The following DOCK7 variants were observed in gnomAD, a reference collection of about 807,000 sequenced individuals.
The protein encoded by DOCK7 is dedicator of cytokinesis protein 7.
A neutral mutation model predicts 271.0 loss-of-function variants in DOCK7; 138 were observed. That is an observed-to-expected ratio of 0.51 (90% CI 0.44 to 0.59). The LOEUF (loss-of-function observed/expected upper bound fraction) is 0.59. Among genes scored for constraint, DOCK7 ranks in the 20% least tolerant of loss-of-function variants. The pLI is 0.00. For missense variants in DOCK7, 2,066 were observed against 2,592.4 expected (o/e 0.80, Z 4.41); for synonymous variants, 823 against 876.1 (o/e 0.94, Z 1.07).
intron 14 of DOCK7, among the ~76,000 whole-genome samples, chr1:62,593,691 A>C (rs1298410974): frequency 6.6e-6 from 1 of 152,058 alleles, no homozygotes; most frequent in Non-Finnish European, 1.5e-5. Context: ...GATAGATAAA[A>C]TTATTCCTTC....
chr1:62,458,449 C>G (rs1191240402), intron 48 of DOCK7: 1 of 151,734 alleles, frequency 6.6e-6, no homozygotes, highest in African/African-American at 2.4e-5. Context: ...GAAGCTCTTT[C>G]AGGGATGTAA....
At chr1:62,507,347 T>G (rs184773830) in intron 35 of DOCK7, among the ~76,000 whole-genome samples, 3 of 152,360 alleles carry the variant, frequency 2.0e-5, no homozygotes, top group Admixed American at 2.0e-4. Context: ...TGCGTCATTA[T>G]GGGCAGTTAT....
intron 14 of DOCK7, chr1:62,597,510 G>C: frequency 6.3e-7 from 1 of 1,595,170 alleles, no homozygotes; most frequent in Non-Finnish European, 8.6e-7. Flanking sequence ...AGAAGTCTAG[G>C]TCTGCTTCCA....
At chr1:62,480,121 A>G (rs1324106946) in intron 43 of DOCK7, among the ~76,000 whole-genome samples, 1 of 152,232 alleles carries the variant, frequency 6.6e-6, no homozygotes, top group Non-Finnish European at 1.5e-5. Context: ...CCAGTTTTCA[A>G]TCTTCATATG....
At chr1:62,634,586 G>A (rs898683550) in intron 9 of DOCK7, 187 bp downstream of exon 9, 1 of 479,322 alleles carries the variant, frequency 2.1e-6, no homozygotes, top group African/African-American at 2.0e-5. Flanking sequence ...TTTCACTGGA[G>A]AATTCTAATA....
At chr1:62,584,685 T>C (rs1258640966) in intron 15 of DOCK7, 12 of 1,321,376 alleles carry the variant, frequency 9.1e-6, no homozygotes, top group Middle Eastern at 2.2e-4. Flanking sequence ...TATCCAAAAA[T>C]GTGACAGGAG....
chr1:62,592,727 AGATTT>A (rs1023950890), intron 14 of DOCK7, among the ~76,000 whole-genome samples: 1 of 152,174 alleles, frequency 6.6e-6, no homozygotes, highest in African/African-American at 2.4e-5. Flanking sequence ...CTTGTCTATT[AGATTT>A]ATCAACATTT....
At chr1:62,637,994 C>T (rs1262650730) in intron 7 of DOCK7, among the ~76,000 whole-genome samples, 1 of 152,140 alleles carries the variant, frequency 6.6e-6, no homozygotes, top group Non-Finnish European at 1.5e-5. Flanking sequence ...ATCCTGTCCA[C>T]GTGTCAACCT....
Position 62,539,595 on chromosome 1 carries a change from C to A in DOCK7, c.3250G>T (p.Val1084Phe). 4 of 1,613,956 alleles carry A rather than the reference C, an allele frequency of 2.5e-6. No homozygotes were observed. The South Asian group carries it at 4.4e-5, about 18-fold the overall frequency. The change falls in exon 27 of 50, where the codon GTT becomes TTT. Residue 1084 changes from valine to phenylalanine, a missense_variant. This residue lies in a region of DOCK7 where 1,414 missense variants were observed against 1,670.4 expected (regional missense o/e 0.85). Transcript: ENST00000635253. ...LAFFLNDLLS[V>F]MDRGFVFSLI... Reference sequence around the variant, plus strand: ...CTAAAAACAAATCCTCTGTCCATAACAGACAACAGATCATTGAGAAAGAAT... The same window carrying A: ...CTAAAAACAAATCCTCTGTCCATAAAAGACAACAGATCATTGAGAAAGAAT...
At chr1:62,671,308 G>A (rs1017362610) in intron 1 of DOCK7, among the ~76,000 whole-genome samples, 2 of 152,232 alleles carry the variant, frequency 1.3e-5, no homozygotes, top group Admixed American at 1.3e-4. Context: ...AGTGTTTACA[G>A]AGCTAAAGTG....
At chr1:62,494,227 C>T (rs1354294736) in intron 40 of DOCK7, 48 bp downstream of exon 40, 1 of 1,466,470 alleles carries the variant, frequency 6.8e-7, no homozygotes, top group South Asian at 1.5e-5. Flanking sequence ...AAAGCTAAAA[C>T]CAAAAAAAGA....
chr1:62,681,551 A>G (rs1333747526), intron 1 of DOCK7, among the ~76,000 whole-genome samples: 1 of 1,058 alleles, frequency 9.5e-4, no homozygotes, highest in South Asian at 0.5. Context: ...TAAAAAAAAT[A>G]AAATAAAAAT....
intron 10 of DOCK7, among the ~76,000 whole-genome samples, chr1:62,632,229 T>TTAAAACAGTTCTTATTTTCCC (rs1368422698): frequency 1.6e-4 from 24 of 152,236 alleles, no homozygotes; most frequent in Non-Finnish European, 7.3e-5. Context: ...TACTATACCC[T>TTAAAACAGTTCTTATTTTCCC]TAAAACAGTT....
chr1:62,466,831 G>A (rs1454017106), intron 48 of DOCK7, among the ~76,000 whole-genome samples: 1 of 151,984 alleles, frequency 6.6e-6, no homozygotes, highest in Non-Finnish European at 1.5e-5. Context: ...TGAGGCACGA[G>A]AATCACTTGA....
intron 16 of DOCK7, among the ~76,000 whole-genome samples, chr1:62,582,613 A>G (rs942933663): frequency 4.6e-5 from 7 of 151,048 alleles, no homozygotes; most frequent in African/African-American, 1.5e-4. Context: ...CAAAAAAAAA[A>G]AGATAAAATG....
At chr1:62,531,972 G>A (rs146993533) in intron 29 of DOCK7, among the ~76,000 whole-genome samples, 5 of 152,286 alleles carry the variant, frequency 3.3e-5, no homozygotes, top group Admixed American at 2.0e-4. Context: ...TCATAAACAA[G>A]CAAATTTCAG....
chr1:62,598,353 AAGGT>A (rs1649605488), intron 14 of DOCK7, among the ~76,000 whole-genome samples: 1 of 152,048 alleles, frequency 6.6e-6, no homozygotes, highest in Non-Finnish European at 1.5e-5. Context: ...TAAATTACTG[AAGGT>A]AAGTAAAAAG....
chr1:62,504,046 CAAAA>C (rs11297853), intron 37 of DOCK7, among the ~76,000 whole-genome samples: 1 of 120,524 alleles, frequency 8.3e-6, no homozygotes, highest in Non-Finnish European at 1.7e-5. Flanking sequence ...GACTCCGTCT[CAAAA>C]AAAAAAAAAA....
chr1:62,510,463 ATATT>A, intron 34 of DOCK7, 110 bp downstream of exon 34: 2 of 623,946 alleles, frequency 3.2e-6, no homozygotes, highest in South Asian at 4.2e-5. Flanking sequence ...AAGACTTAAT[ATATT>A]TATTAAGTGT....
Sources: allele counts gnomAD v4.1 joint callset (sites outside exome capture counted in the v4.1 genomes callset), GRCh38; gene constraint gnomAD v4.1.1; regional missense constraint gnomAD v4.1.1; transcripts MANE v1.5; gene names NCBI Gene and HGNC (gene_info 2026-07-23, HGNC 2026-07-21).